Variants in SLC50A1 observed in about 807,000 individuals in gnomAD.
The protein encoded by SLC50A1 is solute carrier family 50 member 1, also known as sugar transporter SWEET1.
A neutral mutation model predicts 28.9 loss-of-function variants in SLC50A1; 22 were observed. The ratio of observed to expected loss-of-function variants is 0.76; its 90% CI spans 0.54 to 1.09. SLC50A1 has a LOEUF of 1.09. Among genes scored for constraint, SLC50A1 ranks in the 50% least tolerant of loss-of-function variants. The pLI is 0.00. For missense variants in SLC50A1, 233 were observed against 273.4 expected, an observed-to-expected ratio of 0.85 and a Z score of 1.04; for synonymous variants, 96 against 110.6, an observed-to-expected ratio of 0.87 and a Z score of 0.83.
Position 155,137,554 on chromosome 1 carries a change from C to T in SLC50A1, c.283-7C>T. 5 of 1,613,844 alleles carry T rather than the reference C, an allele frequency of 3.1e-6. No homozygotes were observed. Among genetic ancestry groups the T allele is most frequent in the Non-Finnish European group, 4.2e-6 (5 of 1,179,866 alleles). On this transcript the variant is annotated splice_polypyrimidine_tract_variant and splice_region_variant and intron_variant, in intron 3 of 5. Coordinates refer to ENST00000368404, the MANE Select transcript of SLC50A1 (RefSeq NM_018845.4). The stretch of plus-strand genomic sequence containing the variant: ...ATCTGGAAGTAAGGGTACTCTCTCC[C>T]CTGCAGCGTGTTGTGCTCCTACAGA...
Position 155,137,561 on chromosome 1 carries a change from C to G in SLC50A1, c.283C>G (p.Arg95Gly). Residue 95 changes from arginine to glycine, a missense_variant and splice_region_variant, in exon 4 of 6, where the codon CGT becomes GGT. Physicochemically the swap from Arg to Gly is moderately radical, Grantham distance 125. Coordinates refer to ENST00000368404, the MANE Select transcript of SLC50A1 (RefSeq NM_018845.4). ...AGTAAGGGTACTCTCTCCCCTGCAGCGTGTTGTGCTCCTACAGACTGCAAC... is the reference window on the plus strand; with the variant it reads ...AGTAAGGGTACTCTCTCCCCTGCAGGGTGTTGTGCTCCTACAGACTGCAAC... Reference protein sequence around the residue: ...LAYLHYCPRKRVVLLQTATLL... With the variant: ...LAYLHYCPRKGVVLLQTATLL... The G allele has an allele frequency of 1.2e-6, 2 of 1,613,938 alleles. No homozygotes were observed. The highest frequency in any genetic ancestry group is 1.7e-6 in the Non-Finnish European group (2 of 1,179,914).
chr1:155,136,646 G>T (rs1664500324), intron 2 of SLC50A1, 182 bp from the exon 3 acceptor site: 1 of 897,616 alleles, frequency 1.1e-6, no homozygotes, highest in African/African-American at 1.7e-5. Context: ...GGGAGGCTGA[G>T]GCAGGAGAAT....
upstream of SLC50A1, chr1:155,135,705 C>G (rs1664392285): frequency 1.3e-6 from 2 of 1,549,768 alleles, no homozygotes; most frequent in Admixed American, 2.0e-5. Flanking sequence ...ACTGGGAAGG[C>G]GCTCGGAGGA....
rs376072330 is a variant in SLC50A1, at chr1:155,137,754, A to G, written c.444+32A>G. The G allele has an allele frequency of 4.8e-5, 78 of 1,612,240 alleles. No individual in the cohort carries two copies. In the African/African-American group the frequency reaches 7.6e-4, roughly 16 times the overall value. On this transcript the variant is annotated intron_variant, in intron 4 of 5. Transcript: ENST00000368404. ...GGGGGTGTCCAAGGAGGTAGGAGAG[A>G]TAAGAGTCAGGCTCTCATAGCCAAA...
chr1:155,136,660 G>A, intron 2 of SLC50A1, 168 bp from the exon 3 acceptor site: 3 of 995,194 alleles, frequency 3.0e-6, no homozygotes, highest in South Asian at 1.7e-5. Context: ...GGAGAATGGC[G>A]TGAACCCAGG....
chr1:155,135,515 T>C, upstream of SLC50A1: 1 of 1,379,472 alleles, frequency 7.2e-7, no homozygotes, highest in Non-Finnish European at 9.7e-7. Flanking sequence ...CTAGCAAGCT[T>C]TTGTTTGGAG....
rs1374494521 is a variant in SLC50A1, at chr1:155,138,167, C to T, written c.565-13C>T. On this transcript the variant is annotated splice_polypyrimidine_tract_variant and intron_variant, in intron 5 of 5. Coordinates refer to ENST00000368404, the MANE Select transcript of SLC50A1 (RefSeq NM_018845.4). ...ACTGGCTCCTCTCCTCATAGCAGTT[C>T]TTGTGATTTCAGGTGTCCAACTTTC... The T allele has an allele frequency of 1.2e-6, 2 of 1,614,060 alleles. No homozygotes were observed. The highest frequency in any genetic ancestry group is 1.7e-6 in the Non-Finnish European group (2 of 1,180,038).
At position 155,136,822 on chromosome 1, in the gene SLC50A1, C is replaced by T; in HGVS notation, c.159-6C>T. Reference sequence around the variant, plus strand: ...TTGAGCCATGTCCATCCCCTCCACCCTGCAGCAACCTGGGCTGGCTGAGTT... The same window carrying T: ...TTGAGCCATGTCCATCCCCTCCACCTTGCAGCAACCTGGGCTGGCTGAGTT... On this transcript the variant is annotated splice_polypyrimidine_tract_variant and splice_region_variant and intron_variant, in intron 2 of 5. Transcript: ENST00000368404. 1.2e-6 allele frequency: 2 copies of T among 1,614,170 alleles called. No individual in the cohort carries two copies. Among genetic ancestry groups the T allele is most frequent in the East Asian group, 4.5e-5 (2 of 44,888 alleles).
chr1:155,136,098 A>G, intron 1 of SLC50A1, 107 bp downstream of exon 1: 1 of 1,373,428 alleles, frequency 7.3e-7, no homozygotes, highest in Non-Finnish European at 1.0e-6. Flanking sequence ...ACCGGGATCA[A>G]AGTGGGATCG....
Position 155,136,312 on chromosome 1 carries a change from C to T in SLC50A1, c.94C>T (p.His32Tyr). The change falls in exon 2 of 6, where the codon CAC becomes TAC. Residue 32 changes from histidine (H) to tyrosine (Y), a missense_variant. Physicochemically the swap from His to Tyr is moderately conservative, Grantham distance 83. Coordinates refer to ENST00000368404, the MANE Select transcript of SLC50A1 (RefSeq NM_018845.4). ...GCCCCATTACAGCTCGGACCTCAGGCACATGCGAATGACCCGGAGTGTGGA... is the reference window on the plus strand; with the variant it reads ...GCCCCATTACAGCTCGGACCTCAGGTACATGCGAATGACCCGGAGTGTGGA... ...MFSAGLSDLR[H>Y]MRMTRSVDNV... 1.2e-6 allele frequency: 2 copies of T among 1,610,184 alleles called. No individual in the cohort carries two copies. The highest frequency in any genetic ancestry group is 1.7e-6 in the Non-Finnish European group (2 of 1,178,236).
intron 1 of SLC50A1, 37 bp from the exon 2 acceptor site, chr1:155,136,262 T>TGCCCCCCCC: frequency 7.3e-7 from 1 of 1,377,016 alleles, no homozygotes; most frequent in Non-Finnish European, 1.0e-6. Context: ...GCTTCTCCCT[T>TGCCCCCCCC]CCCACCCCCA....
intron 3 of SLC50A1, chr1:155,137,153 C>A: frequency 1.5e-6 from 1 of 670,990 alleles, no homozygotes; most frequent in Non-Finnish European, 2.5e-6. Flanking sequence ...GCTGGTAGCT[C>A]TGCCTAGCCT....
Position 155,138,068 on chromosome 1 carries a change from T to A in SLC50A1, c.534T>A (p.Tyr178Ter). 1 of 1,614,152 alleles carries A rather than the reference T, an allele frequency of 6.2e-7. No homozygotes were observed. Among genetic ancestry groups the A allele is most frequent in the African/African-American group, 1.3e-5 (1 of 75,022 alleles). ...TLLTSASWCL[Y>*]GFRLRDPYIM... The stretch of plus-strand genomic sequence containing the variant: ...TCACCTCTGCCTCCTGGTGCCTCTA[T>A]GGGTTTCGACTCAGAGATCCCTATA... Residue 178 changes from tyrosine (Y) to a stop codon, truncating the protein, a stop_gained, in exon 5 of 6, where the codon TAT becomes TAA. Transcript: ENST00000368404. LOFTEE classifies it high-confidence loss of function.
chr1:155,136,965 C>T lies in SLC50A1; in HGVS notation c.282+14C>T. The T allele has an allele frequency of 6.2e-7, 1 of 1,612,356 alleles. No homozygotes were observed. Among genetic ancestry groups the T allele is most frequent in the Admixed American group, 1.7e-5 (1 of 60,000 alleles). ...TGCCCTCGGAAGGTAGAGGCCCTCC[C>T]TTGGACCCACCTATCTGCTGCACGC... On this transcript the variant is annotated intron_variant, in intron 3 of 5. Coordinates refer to ENST00000368404, the MANE Select transcript of SLC50A1 (RefSeq NM_018845.4).
Position 155,138,286 on chromosome 1 carries a change from G to A in SLC50A1, c.*5G>A. On this transcript the variant is annotated 3_prime_UTR_variant, in exon 6 of 6. Transcript: ENST00000368404. ...TACTGGCTCCTGCAAACCTGAGGCT[G>A]CTCATCTGACCACTGGGCACCTTAG... The A allele has an allele frequency of 1.2e-6, 2 of 1,613,472 alleles. No homozygotes were observed. The highest frequency in any genetic ancestry group is 1.7e-6 in the Non-Finnish European group (2 of 1,179,844).
In SLC50A1 at chr1:155,138,425, A is replaced by C. The variant is rs1403382452; in HGVS notation, c.*144A>C. ...ACTTTGAGGATAAAAGGACCAAAGA[A>C]AAAGCTTTACTTAGATGATTGATTG... is the stretch of plus-strand genomic sequence containing the variant. On this transcript the variant is annotated 3_prime_UTR_variant, in exon 6 of 6. Transcript: ENST00000368404. 1 of 699,036 alleles carries C rather than the reference A, an allele frequency of 1.4e-6. No homozygotes were observed. Among genetic ancestry groups the C allele is most frequent in the African/African-American group, 1.8e-5 (1 of 55,338 alleles). The allele number at this position is 699,036 out of a possible 1,614,324, so 43.3% of individuals were successfully genotyped here.
chr1:155,136,064 G>A (rs935433458), intron 1 of SLC50A1, 73 bp downstream of exon 1: 50 of 1,556,356 alleles, frequency 3.2e-5, no homozygotes, highest in Non-Finnish European at 3.9e-5. Flanking sequence ...CAGAGACGTG[G>A]CCACAGCACC....
intron 1 of SLC50A1, 148 bp downstream of exon 1, chr1:155,136,139 C>A: frequency 1.3e-6 from 1 of 745,926 alleles, no homozygotes; most frequent in Non-Finnish European, 1.9e-6. Flanking sequence ...AAGGGCGAGG[C>A]TGGTCACTAG....
chr1:155,136,760 G>A, intron 2 of SLC50A1, 68 bp from the exon 3 acceptor site: 4 of 1,566,262 alleles, frequency 2.6e-6, no homozygotes, highest in Non-Finnish European at 3.5e-6. Context: ...AAAAAAGAGT[G>A]AAAGACCCTT....
Sources: gnomAD v4.1 joint callset for allele counts on GRCh38, gnomAD v4.1.1 for gene constraint, MANE v1.5 for transcripts, NCBI Gene and HGNC (gene_info 2026-07-23, HGNC 2026-07-21) for gene names.